The following ACOX3 variants were observed in gnomAD, a reference collection of about 807,000 sequenced individuals.
ACOX3 encodes acyl-CoA oxidase 3, pristanoyl.
In ACOX3, 73 loss-of-function variants were observed where a neutral mutation model predicts 81.5. The ratio of observed to expected loss-of-function variants is 0.90; its 90% confidence interval spans 0.74 to 1.09. The LOEUF is 1.09. ACOX3 is among the 50% of genes least tolerant of loss of function. The probability of loss-of-function intolerance (pLI) is 0.00; values close to 1 mark genes in which losing one functional copy is unlikely to be tolerated. For missense variants in ACOX3, 947 were observed against 928.0 expected (o/e 1.02, Z -0.27); for synonymous variants, 387 against 375.1 (o/e 1.03, Z -0.37).
intron 1 of ACOX3, among the ~76,000 whole-genome samples, chr4:8,435,183 C>T (rs1159439129): frequency 1.3e-5 from 2 of 152,194 alleles, no homozygotes; most frequent in African/African-American, 2.4e-5. Context: ...GTTAAGAACT[C>T]TATGTGAATT....
At chr4:8,376,975 G>C (rs1372379339) in intron 14 of ACOX3, among the ~76,000 whole-genome samples, 2 of 152,108 alleles carry the variant, frequency 1.3e-5, no homozygotes, top group Non-Finnish European at 2.9e-5. Context: ...TGGGGGAGCT[G>C]CCAGGTGTGG....
rs11731308 is a variant in ACOX3 at position 8,400,064 on chromosome 4, T to C, written c.777-412A>G. Among the ~76,000 whole-genome samples the C allele has an allele frequency of 0.22, 33,208 of 151,934 alleles. 4,244 individuals carry two copies. Among genetic ancestry groups the C allele is most frequent in the African/African-American group, 0.35 (14,617 of 41,396 alleles). The stretch of plus-strand genomic sequence containing the variant: ...GAGTTCGAAACCAGCCTGACCAATA[T>C]GGTGAAACCCCGTCTCTACTAAAAA... On this transcript the variant is annotated intron_variant, in intron 7 of 17. Transcript: ENST00000356406. The surrounding 1 kb of genome is among the most constrained non-coding windows in gnomAD (Gnocchi z 4.4).
At chr4:8,373,317 G>A (rs1245431243) in intron 16 of ACOX3, among the ~76,000 whole-genome samples, 4 of 152,146 alleles carry the variant, frequency 2.6e-5, no homozygotes, top group Non-Finnish European at 4.4e-5. Context: ...TTGCAAAGGC[G>A]GTGTGTGTCG....
At chr4:8,378,108 GGAGA>G (rs962486914) in intron 14 of ACOX3, among the ~76,000 whole-genome samples, 20 of 152,354 alleles carry the variant, frequency 1.3e-4, no homozygotes, top group African/African-American at 4.6e-4. Context: ...CTTCAGCACA[GGAGA>G]GAGGAGAGGG....
chr4:8,433,433 C>G (rs1365508664), intron 1 of ACOX3, among the ~76,000 whole-genome samples: 2 of 152,200 alleles, frequency 1.3e-5, no homozygotes, highest in African/African-American at 4.8e-5. Flanking sequence ...CCACTACAAA[C>G]TAGGAGAGAT....
rs1279647544 is a variant in ACOX3 at position 8,366,762 on chromosome 4, GA to G, written c.*198del. The G allele has an allele frequency of 2.7e-5, 15 of 560,616 alleles. No individual in the cohort carries two copies. Among genetic ancestry groups the G allele is most frequent in the Non-Finnish European group, 3.3e-5 (11 of 329,480 alleles). 34.7% of individuals were successfully genotyped at this position (560,616 alleles called of 1,614,324 possible). On this transcript the variant is annotated 3_prime_UTR_variant, in exon 18 of 18. Coordinates refer to ENST00000356406, the MANE Select transcript of ACOX3 (RefSeq NM_003501.3). ...TCTTTTCCACGCTGCAAATCACCGC[GA>G]TCCCAGATTAGTCCAGCCGGCCGGG...
chr4:8,435,406 G>A (rs1178592462), intron 1 of ACOX3, among the ~76,000 whole-genome samples: 1 of 152,156 alleles, frequency 6.6e-6, no homozygotes, highest in Admixed American at 6.5e-5. Context: ...TGAGGCAGGA[G>A]AATTGCATGA....
chr4:8,437,034 T>A lies in ACOX3; in HGVS notation c.-15+3614A>T, dbSNP rs1355750682. ...CAGCATATATATATATTCGAAAAAA[T>A]ATATATAAATATATATATACAAATA... On this transcript the variant is annotated intron_variant, in intron 1 of 17. Coordinates refer to ENST00000356406, the MANE Select transcript of ACOX3 (RefSeq NM_003501.3). This position sits in a 1 kb window ranked among gnomAD's most constrained non-coding sequence, Gnocchi z 5.2. Among the ~76,000 whole-genome samples the A allele has an allele frequency of 6.3e-5, 9 of 141,766 alleles. No homozygotes were observed. Among genetic ancestry groups the A allele is most frequent in the East Asian group, 4.0e-4 (2 of 4,958 alleles). 93.0% of individuals were successfully genotyped at this position (141,766 alleles called of 152,430 possible). A position where few individuals can be genotyped will look rare whatever the true frequency, so the allele number is the denominator to read the frequency against.
chr4:8,395,081 G>A lies in ACOX3; in HGVS notation c.1057-339C>T, dbSNP rs546167402. Among the ~76,000 whole-genome samples, 9 of 152,262 alleles carry A rather than the reference G, an allele frequency of 5.9e-5. No homozygotes were observed. In the South Asian group the frequency reaches 6.2e-4, roughly 11 times the overall value. On this transcript the variant is annotated intron_variant, in intron 9 of 17. Coordinates refer to ENST00000356406, the MANE Select transcript of ACOX3 (RefSeq NM_003501.3). The stretch of plus-strand genomic sequence containing the variant: ...CAGCACTGCTAGGGGCCAACTCCCC[G>A]GCACACGGACTGACTGGCTGACAGC...
At chr4:8,424,501 T>A (rs564604258) in intron 1 of ACOX3, among the ~76,000 whole-genome samples, 4 of 152,334 alleles carry the variant, frequency 2.6e-5, no homozygotes, top group South Asian at 4.1e-4. Context: ...TCATTGTTTA[T>A]GGGTAATGGC....
chr4:8,415,275 G>T (rs891467630), intron 3 of ACOX3, among the ~76,000 whole-genome samples: 1 of 152,212 alleles, frequency 6.6e-6, no homozygotes, highest in African/African-American at 2.4e-5. Flanking sequence ...GAGCTGTAAG[G>T]AGAGCAGAGC....
rs115667291 is a variant in ACOX3, at chr4:8,415,919, G to A, written c.225C>T (p.Arg75=). The A allele has an allele frequency of 1.9e-3, 3,054 of 1,614,192 alleles. 7 individuals carry two copies. Among genetic ancestry groups the A allele is most frequent in the Middle Eastern group, 3.1e-3 (19 of 6,062 alleles). Residue 75 remains arginine (R), a synonymous_variant, in exon 3 of 18, where the codon CGC becomes CGT. Transcript: ENST00000356406. ...PGADLSLEKY[R]ELNFLRCKRI... is the part of the protein sequence containing the mutation. ...GCTTGCATCGAAGGAAGTTCAGCTC[G>A]CGATACTTCTCCAAGGACAGATCGG... is the stretch of plus-strand genomic sequence containing the variant.
chr4:8,401,504 A>C (rs1578931952), intron 7 of ACOX3, among the ~76,000 whole-genome samples: 2 of 151,622 alleles, frequency 1.3e-5, no homozygotes, highest in Admixed American at 1.3e-4. Flanking sequence ...AGGACCCAGC[A>C]CCTCCATCCC....
At chr4:8,411,738 C>T (rs1365261155) in intron 5 of ACOX3, among the ~76,000 whole-genome samples, 1 of 152,222 alleles carries the variant, frequency 6.6e-6, no homozygotes, top group Non-Finnish European at 1.5e-5. Flanking sequence ...CTCCATGGTG[C>T]CCAGCACATC....
chr4:8,367,057 A>G lies in ACOX3; in HGVS notation c.2007T>C (p.Ala669=). The G allele has an allele frequency of 1.2e-6, 2 of 1,614,098 alleles. No homozygotes were observed. The highest frequency in any genetic ancestry group is 1.7e-6 in the Non-Finnish European group (2 of 1,179,988). ...DGELYKNLWG[A]VLQESKVLER... ...CCAACACCTTGCTTTCCTGCAGGACAGCGCCCCAGAGGTTTTTGTAGAGCT... is the reference window on the plus strand; with the variant it reads ...CCAACACCTTGCTTTCCTGCAGGACGGCGCCCCAGAGGTTTTTGTAGAGCT... The change falls in exon 18 of 18, where the codon GCT becomes GCC. Residue 669 remains alanine, a synonymous_variant. Transcript: ENST00000356406.
chr4:8,389,710 T>G lies in ACOX3; in HGVS notation c.1325A>C (p.Asp442Ala). 6.2e-7 allele frequency: 1 copy of G among 1,614,020 alleles called. No homozygotes were observed. Among genetic ancestry groups the G allele is most frequent in the Non-Finnish European group, 8.5e-7 (1 of 1,179,972 alleles). ...GTATGTGCAGTTGGGATCGTTGTCA[T>G]CTCTAAGGACACCCAACCGGTTCAC... is the stretch of plus-strand genomic sequence containing the variant. ...LAMNRLGVLR[D>A]DNDPNCTYEG... The change falls in exon 12 of 18, where the codon GAT becomes GCT. Residue 442 changes from aspartate to alanine, a missense_variant. Asp to Ala is a moderately radical substitution (Grantham distance 126). Coordinates refer to ENST00000356406, the MANE Select transcript of ACOX3 (RefSeq NM_003501.3). The surrounding 1 kb of genome is among the most constrained non-coding windows in gnomAD (Gnocchi z 5.3).
intron 16 of ACOX3, 72 bp from the exon 17 acceptor site, chr4:8,371,066 C>A: frequency 2.1e-6 from 3 of 1,462,632 alleles, no homozygotes; most frequent in East Asian, 2.3e-5. Flanking sequence ...ATAACAGCCC[C>A]GTGTGTGGTT....
intron 7 of ACOX3, among the ~76,000 whole-genome samples, chr4:8,402,722 G>A (rs1720506007): frequency 6.6e-6 from 1 of 152,212 alleles, no homozygotes; most frequent in Admixed American, 6.5e-5. Context: ...GTGTGCGTGT[G>A]TCACAGGTGT....
Position 8,431,850 on chromosome 4 carries a change from A to G in ACOX3, c.-15+8798T>C, listed in dbSNP as rs1427511481. Among the ~76,000 whole-genome samples the G allele has an allele frequency of 6.6e-6, 1 of 152,160 alleles. No individual in the cohort carries two copies. The highest frequency in any genetic ancestry group is 1.9e-4 in the East Asian group (1 of 5,188). ...TTAGACCTTGGTGCTATTGACTGTC[A>G]TTGGCCATTGTTGTTATGTGCACAC... is the stretch of plus-strand genomic sequence containing the variant. On this transcript the variant is annotated intron_variant, in intron 1 of 17. Transcript: ENST00000356406. The surrounding 1 kb of genome is among the most constrained non-coding windows in gnomAD (Gnocchi z 5.3).
Sources: gnomAD v4.1 joint callset for allele counts (sites outside exome capture counted in the v4.1 genomes callset) on GRCh38, gnomAD v4.1.1 for gene constraint, Gnocchi (gnomAD v3.1) non-coding constraint, MANE v1.5 for transcripts, NCBI Gene and HGNC (gene_info 2026-07-23, HGNC 2026-07-21) for gene names.